The following ZDHHC21 variants were observed in gnomAD, a reference collection of about 807,000 sequenced individuals.
ZDHHC21 encodes the protein palmitoyltransferase ZDHHC21.
Under a neutral mutation model 34.6 loss-of-function variants are expected in ZDHHC21, and 15 were observed. The ratio of observed to expected loss-of-function variants is 0.43; its 90% CI spans 0.29 to 0.67. ZDHHC21 has a LOEUF of 0.67. Ranked by LOEUF, ZDHHC21 falls within the 30% of genes least tolerant of loss-of-function variation. ZDHHC21 has a pLI of 0.14. For missense variants in ZDHHC21, 344 were observed against 327.7 expected (o/e 1.05, Z -0.38); for synonymous variants, 142 against 101.8 (o/e 1.40, Z -2.38).
At chr9:14,602,277 A>G in the ZDHHC21 span, among the ~76,000 whole-genome samples, 2 of 152,212 alleles carry the variant, frequency 1.3e-5, no homozygotes, top group South Asian at 4.1e-4. Context: ...ACTTGAAGAC[A>G]GGTCATTTGA....
At chr9:14,630,850 G>C (rs925787774) in intron 8 of ZDHHC21, among the ~76,000 whole-genome samples, 1 of 152,196 alleles carries the variant, frequency 6.6e-6, no homozygotes, top group Admixed American at 6.5e-5. Flanking sequence ...GTTCTCAATA[G>C]TGGGCTTAAA....
chr9:14,657,219 A>C (rs926899815), intron 7 of ZDHHC21, among the ~76,000 whole-genome samples: 1 of 152,056 alleles, frequency 6.6e-6, no homozygotes, highest in Non-Finnish European at 1.5e-5. Flanking sequence ...ACGGTCTCTA[A>C]AATTTTCATG....
At chr9:14,641,471 G>C (rs1485152072) in intron 7 of ZDHHC21, among the ~76,000 whole-genome samples, 1 of 152,046 alleles carries the variant, frequency 6.6e-6, no homozygotes, top group Non-Finnish European at 1.5e-5. Context: ...CATTAAACAA[G>C]TTTGACCATG....
the ZDHHC21 span, among the ~76,000 whole-genome samples, chr9:14,601,804 T>C: frequency 6.6e-6 from 1 of 152,198 alleles, no homozygotes; most frequent in African/African-American, 2.4e-5. Flanking sequence ...TATCATGGAA[T>C]ACTATGCAGC....
chr9:14,599,801 TCCA>T, the ZDHHC21 span, among the ~76,000 whole-genome samples: 3,066 of 152,106 alleles, frequency 0.02, 120 homozygotes, highest in African/African-American at 0.07. Context: ...AAAAAGCTTA[TCCA>T]CCACAATCAA....
At chr9:14,647,705 C>T (rs1006690260) in intron 7 of ZDHHC21, among the ~76,000 whole-genome samples, 6 of 152,086 alleles carry the variant, frequency 3.9e-5, no homozygotes, top group Non-Finnish European at 8.8e-5. Context: ...CCTCTCTCAC[C>T]ACCATTCTAC....
intron 8 of ZDHHC21, among the ~76,000 whole-genome samples, chr9:14,639,274 A>G (rs1336851391): frequency 3.9e-5 from 6 of 152,076 alleles, no homozygotes; most frequent in South Asian, 2.1e-4. Context: ...GACAAATATC[A>G]TATTTTCTCA....
At chr9:14,629,371 C>T (rs969287422) in intron 8 of ZDHHC21, among the ~76,000 whole-genome samples, 1 of 152,076 alleles carries the variant, frequency 6.6e-6, no homozygotes, top group African/African-American at 2.4e-5. Context: ...TGAGAATTAA[C>T]ATGTTGATAG....
At chr9:14,593,248 T>C in the ZDHHC21 span, among the ~76,000 whole-genome samples, 1 of 152,052 alleles carries the variant, frequency 6.6e-6, no homozygotes, top group Non-Finnish European at 1.5e-5. Context: ...AACCTTTAAG[T>C]ACACTAACTA....
At chr9:14,649,828 C>G (rs1830909071) in intron 7 of ZDHHC21, among the ~76,000 whole-genome samples, 1 of 151,952 alleles carries the variant, frequency 6.6e-6, no homozygotes, top group African/African-American at 2.4e-5. Context: ...AGTAAAAATT[C>G]TAGAAAAGTT....
At chr9:14,692,966 G>A (rs1047750411) in intron 1 of ZDHHC21, among the ~76,000 whole-genome samples, 3 of 152,046 alleles carry the variant, frequency 2.0e-5, no homozygotes, top group Non-Finnish European at 4.4e-5. Context: ...CCCCAGTTGA[G>A]GGAGGAGCAC....
intron 3 of ZDHHC21, 32 bp from the exon 4 acceptor site, chr9:14,674,417 T>C: frequency 7.1e-7 from 1 of 1,415,584 alleles, no homozygotes; most frequent in Non-Finnish European, 9.5e-7. Context: ...AATAATTACT[T>C]ACATAGAAAA....
intron 8 of ZDHHC21, among the ~76,000 whole-genome samples, chr9:14,634,826 A>G (rs1827986209): frequency 6.6e-6 from 1 of 152,232 alleles, no homozygotes; most frequent in Non-Finnish European, 1.5e-5. Context: ...AAATACAATA[A>G]TTCTCCAATA....
At chr9:14,637,233 T>C (rs116404923) in intron 8 of ZDHHC21, among the ~76,000 whole-genome samples, 206 of 152,056 alleles carry the variant, frequency 1.4e-3, no homozygotes, top group African/African-American at 4.4e-3. Flanking sequence ...GCTGATACCA[T>C]TGAAATACAA....
intron 7 of ZDHHC21, among the ~76,000 whole-genome samples, chr9:14,656,433 T>G (rs1172997269): frequency 6.6e-6 from 1 of 151,938 alleles, no homozygotes; most frequent in African/African-American, 2.4e-5. Flanking sequence ...ATGTATGAAT[T>G]ACTTCATTCA....
chr9:14,663,190 A>G (rs1322094787), intron 5 of ZDHHC21, among the ~76,000 whole-genome samples: 1 of 152,204 alleles, frequency 6.6e-6, no homozygotes, highest in Non-Finnish European at 1.5e-5. Context: ...TTATTATACA[A>G]AAATGTATCT....
intron 8 of ZDHHC21, among the ~76,000 whole-genome samples, chr9:14,626,697 A>C (rs995320197): frequency 1.3e-5 from 2 of 151,946 alleles, no homozygotes; most frequent in African/African-American, 4.8e-5. Context: ...CTTGGTATTT[A>C]AGCAAATGCC....
rs556212600 is a variant in ZDHHC21, at chr9:14,684,417, CAG to C, written c.-175-4257_-175-4256del. ...TTCTTATACACCAACAACAGACAAA[CAG>C]AGAGCCAAATCATGAGTGAACTCCC... On this transcript the variant is annotated intron_variant, in intron 2 of 9. Coordinates refer to ENST00000380916, the MANE Select transcript of ZDHHC21 (RefSeq NM_178566.6). Among the ~76,000 whole-genome samples the C allele has an allele frequency of 3.0e-3, 436 of 146,990 alleles. 1 individual carries two copies. Among genetic ancestry groups the C allele is most frequent in the Non-Finnish European group, 5.4e-3 (359 of 66,156 alleles).
intron 7 of ZDHHC21, among the ~76,000 whole-genome samples, chr9:14,643,267 A>C (rs925267625): frequency 1.3e-5 from 2 of 152,002 alleles, no homozygotes; most frequent in Non-Finnish European, 2.9e-5. Flanking sequence ...TATATATATA[A>C]AGAAGAAGAA....
Sources: allele counts gnomAD v4.1 joint callset (sites outside exome capture counted in the v4.1 genomes callset), GRCh38; gene constraint gnomAD v4.1.1; transcripts MANE v1.5; gene names NCBI Gene and HGNC (gene_info 2026-07-23, HGNC 2026-07-21).